The following SKAP1 variants were observed in gnomAD, a reference collection of about 807,000 sequenced individuals.
SKAP1 encodes src kinase-associated phosphoprotein 1.
SKAP1 carries 44 observed loss-of-function variants against 58.5 expected under a neutral mutation model. The ratio of observed to expected loss-of-function variants is 0.75; its 90% CI spans 0.59 to 0.97. The LOEUF (loss-of-function observed/expected upper bound fraction) is 0.97. Ranked by LOEUF, SKAP1 falls within the 50% of genes least tolerant of loss-of-function variation. The pLI is 0.00. For synonymous variants in SKAP1, 127 were observed against 149.7 expected, an observed-to-expected ratio of 0.85 and a Z score of 1.11; for missense variants, 390 against 435.2, an observed-to-expected ratio of 0.90 and a Z score of 0.92.
intron 6 of SKAP1, chr17:48,185,840 T>C (rs962233771): frequency 6.6e-6 from 1 of 152,370 alleles, no homozygotes; most frequent in Non-Finnish European, 1.5e-5. Context: ...AAGGGAGCCA[T>C]GGAACAGTGC....
chr17:48,406,729 C>T (rs1460353015), intron 1 of SKAP1, among the ~76,000 whole-genome samples: 4 of 152,094 alleles, frequency 2.6e-5, no homozygotes, highest in Admixed American at 2.0e-4. Flanking sequence ...CCATGCCTAG[C>T]TAATTTTTGC....
chr17:48,266,664 C>T (rs2065554739), intron 4 of SKAP1, among the ~76,000 whole-genome samples: 1 of 151,890 alleles, frequency 6.6e-6, no homozygotes, highest in Admixed American at 6.6e-5. Context: ...GCGCCTGCCA[C>T]AACGCCCGGC....
intron 4 of SKAP1, among the ~76,000 whole-genome samples, chr17:48,321,530 G>A (rs976290952): frequency 3.8e-4 from 58 of 151,608 alleles, no homozygotes; most frequent in Admixed American, 7.9e-4. Context: ...GGCGCCTGCC[G>A]CCACGCCCGG....
chr17:48,304,288 A>G (rs1046513203), intron 4 of SKAP1, among the ~76,000 whole-genome samples: 1 of 152,214 alleles, frequency 6.6e-6, no homozygotes, highest in Non-Finnish European at 1.5e-5. Context: ...TAACCTGTCT[A>G]ATTCCTGGTT....
At chr17:48,427,387 C>T (rs2067865704) in intron 1 of SKAP1, among the ~76,000 whole-genome samples, 1 of 152,166 alleles carries the variant, frequency 6.6e-6, no homozygotes, top group African/African-American at 2.4e-5. Context: ...ATTCAACCAT[C>T]ACCCTGAGTC....
intron 4 of SKAP1, among the ~76,000 whole-genome samples, chr17:48,256,878 C>G (rs1008360095): frequency 6.6e-6 from 1 of 151,956 alleles, no homozygotes; most frequent in African/African-American, 2.4e-5. Context: ...GGGAGAGTGG[C>G]CACATCTTAA....
chr17:48,260,148 T>C lies in SKAP1; in HGVS notation c.281-70648A>G, dbSNP rs1207390983. 2.6e-5 allele frequency among the ~76,000 whole-genome samples: 4 copies of C among 152,140 alleles called. No homozygotes were observed. The East Asian group carries it at 7.7e-4, about 29-fold the overall frequency. ...GAAAAAAATGAAAAGAGAGAAGTGTTGGACAATTGTTTCCCACAAATCTAA... is the reference window on the plus strand; with the variant it reads ...GAAAAAAATGAAAAGAGAGAAGTGTCGGACAATTGTTTCCCACAAATCTAA... On this transcript the variant is annotated intron_variant, in intron 4 of 12. Transcript: ENST00000336915.
chr17:48,267,016 T>C (rs2065560578), intron 4 of SKAP1, among the ~76,000 whole-genome samples: 1 of 152,166 alleles, frequency 6.6e-6, no homozygotes, highest in Non-Finnish European at 1.5e-5. Flanking sequence ...ACATAGCAGA[T>C]GGCAGAATTA....
At chr17:48,324,904 C>A (rs958921590) in intron 4 of SKAP1, among the ~76,000 whole-genome samples, 3 of 152,012 alleles carry the variant, frequency 2.0e-5, no homozygotes, top group African/African-American at 7.2e-5. Context: ...TCACCTACTG[C>A]CACCCAACCA....
At chr17:48,245,747 G>T (rs1218895075) in intron 4 of SKAP1, among the ~76,000 whole-genome samples, 1 of 152,168 alleles carries the variant, frequency 6.6e-6, no homozygotes, top group Non-Finnish European at 1.5e-5. Context: ...AGGTCAAGGT[G>T]GGTGGATCAC....
chr17:48,407,531 A>T (rs1006283383), intron 1 of SKAP1, among the ~76,000 whole-genome samples: 3 of 152,148 alleles, frequency 2.0e-5, no homozygotes, highest in Non-Finnish European at 4.4e-5. Context: ...GTTCCATTGT[A>T]CAACTTAGTG....
intron 4 of SKAP1, among the ~76,000 whole-genome samples, chr17:48,338,435 A>T (rs2066605464): frequency 6.6e-6 from 1 of 152,188 alleles, no homozygotes; most frequent in Non-Finnish European, 1.5e-5. Context: ...TACAGGCATG[A>T]GTCACCGCGC....
chr17:48,323,607 C>T (rs1471317627), intron 4 of SKAP1, among the ~76,000 whole-genome samples: 1 of 151,980 alleles, frequency 6.6e-6, no homozygotes, highest in African/African-American at 2.4e-5. Flanking sequence ...ATGCATTATA[C>T]TAAGAATAAA....
At chr17:48,359,669 C>T (rs139310061) in intron 3 of SKAP1, among the ~76,000 whole-genome samples, 53 of 152,226 alleles carry the variant, frequency 3.5e-4, no homozygotes, top group African/African-American at 1.0e-3. Flanking sequence ...TGCAGTGGCG[C>T]GATCTCGGCT....
intron 1 of SKAP1, 62 bp downstream of exon 1, chr17:48,430,013 G>C (rs2067898009): frequency 8.2e-7 from 1 of 1,225,506 alleles, no homozygotes; most frequent in Admixed American, 4.2e-5. Context: ...GGCCGTGGGA[G>C]GCCTGGTGTC....
chr17:48,429,793 G>A (rs982895006), intron 1 of SKAP1, among the ~76,000 whole-genome samples: 1 of 152,180 alleles, frequency 6.6e-6, no homozygotes, highest in Non-Finnish European at 1.5e-5. Flanking sequence ...AAGGTGGCAT[G>A]GGGGACCAAG....
intron 1 of SKAP1, among the ~76,000 whole-genome samples, chr17:48,410,335 G>A (rs1204969199): frequency 6.6e-6 from 1 of 152,136 alleles, no homozygotes; most frequent in African/African-American, 2.4e-5. Context: ...GTTATATATA[G>A]AAACATATAA....
At chr17:48,331,258 A>G (rs895956737) in intron 4 of SKAP1, among the ~76,000 whole-genome samples, 12 of 152,222 alleles carry the variant, frequency 7.9e-5, no homozygotes, top group Non-Finnish European at 1.5e-4. Flanking sequence ...TTTTGTTAAT[A>G]TGATGTGGAT....
chr17:48,352,639 T>C (rs1039846921), intron 3 of SKAP1, among the ~76,000 whole-genome samples: 4 of 152,182 alleles, frequency 2.6e-5, no homozygotes, highest in Non-Finnish European at 5.9e-5. Flanking sequence ...ATATAATAGC[T>C]AGCTAAACTC....
Sources: allele counts gnomAD v4.1 joint callset (sites outside exome capture counted in the v4.1 genomes callset), GRCh38; gene constraint gnomAD v4.1.1; transcripts MANE v1.5; gene names NCBI Gene and HGNC (gene_info 2026-07-23, HGNC 2026-07-21).